Variants in TET3 observed in about 807,000 individuals in gnomAD.
TET3 encodes the protein tet methylcytosine dioxygenase 3.
A neutral mutation model predicts 141.4 loss-of-function variants in TET3; 19 were observed. That is an observed-to-expected ratio of 0.13 (90% CI 0.09 to 0.20). TET3 has a LOEUF of 0.20. Ranked by LOEUF, TET3 falls within the 10% of genes least tolerant of loss-of-function variation. TET3 has a pLI of 1.00. For synonymous variants in TET3, 1,043 were observed against 980.9 expected, an observed-to-expected ratio of 1.06 and a Z score of -1.18; for missense variants, 1,874 against 2,356.9, an observed-to-expected ratio of 0.80 and a Z score of 4.24.
chr2:74,094,581 C>T (rs1189235598), intron 10 of TET3, among the ~76,000 whole-genome samples: 1 of 151,670 alleles, frequency 6.6e-6, no homozygotes, highest in East Asian at 1.9e-4. Context: ...GTGAGGTGAA[C>T]GGGAGGGAAT....
Position 74,047,254 on chromosome 2 carries a change from C to A in TET3, c.1337C>A (p.Pro446His). 1 of 1,614,032 alleles carries A rather than the reference C, an allele frequency of 6.2e-7. No homozygotes were observed. The highest frequency in any genetic ancestry group is 8.5e-7 in the Non-Finnish European group (1 of 1,179,902). The part of the protein sequence containing the change: ...AWGTDTPPAT[P>H]RSSWPMPRPS... ...GGCACTGACACCCCTCCAGCAACGC[C>A]CCGGAGCTCCTGGCCCATGCCTCGC... The change falls in exon 4 of 12, where the codon CCC becomes CAC. Residue 446 changes from proline to histidine, a missense_variant. By Grantham distance (77) the Pro-to-His change is moderately conservative. Coordinates refer to ENST00000409262, the MANE Select transcript of TET3 (RefSeq NM_001287491.2).
At chr2:74,091,696 C>T (rs1012965391) in intron 8 of TET3, among the ~76,000 whole-genome samples, 1 of 152,264 alleles carries the variant, frequency 6.6e-6, no homozygotes, top group South Asian at 2.1e-4. Flanking sequence ...ATTTCTCATT[C>T]TGTGTGCTTG....
chr2:74,056,892 C>T (rs1367024836), intron 4 of TET3, among the ~76,000 whole-genome samples: 2 of 152,186 alleles, frequency 1.3e-5, no homozygotes, highest in African/African-American at 4.8e-5. Context: ...ACACAACTCC[C>T]AGTGTTGGGA....
At chr2:74,110,017 A>G (rs1030415036), downstream of TET3, among the ~76,000 whole-genome samples, 1 of 152,184 alleles carries the variant, frequency 6.6e-6, no homozygotes, top group Non-Finnish European at 1.5e-5. Flanking sequence ...CACATAAGAT[A>G]TAAGGATAAA....
intron 4 of TET3, among the ~76,000 whole-genome samples, chr2:74,065,993 G>C (rs992996424): frequency 1.3e-5 from 2 of 152,118 alleles, no homozygotes; most frequent in Non-Finnish European, 2.9e-5. Flanking sequence ...TCCTGACCTC[G>C]TGATCCGCCT....
chr2:74,087,905 G>A lies in TET3; in HGVS notation c.2755G>A (p.Ala919Thr), dbSNP rs1690251186. ...RHRAGHHCQN[A>T]VIVILILAWE... ...CCGGGCAGGCCACCACTGCCAGAAC[G>A]CTGTGATCGTCATCCTCATCCTGGC... The change falls in exon 7 of 12, where the codon GCT (alanine) becomes ACT (threonine). Residue 919 changes from alanine to threonine, a missense_variant. By Grantham distance (58) the Ala-to-Thr change is moderately conservative (BLOSUM62 0). This residue lies in a region of TET3 where 126 missense variants were observed against 327.4 expected (regional missense o/e 0.38). Transcript: ENST00000409262. The surrounding 1 kb of genome is among the most constrained non-coding windows in gnomAD (Gnocchi z 4.3). 3.2e-6 allele frequency: 5 copies of A among 1,551,998 alleles called. No individual in the cohort carries two copies. The highest frequency in any genetic ancestry group is 2.4e-5 in the East Asian group (1 of 40,922).
intron 3 of TET3, among the ~76,000 whole-genome samples, chr2:74,031,334 A>T (rs1686675655): frequency 6.6e-6 from 1 of 152,060 alleles, no homozygotes; most frequent in South Asian, 2.1e-4. Flanking sequence ...GGCCAGAGAG[A>T]CGAGGGACCC....
rs1490381360 is a variant in TET3 at position 74,107,968 on chromosome 2, C to T, written c.*5792C>T. ...TCCTTCCACTTTATTGGTTTGCCTC[C>T]TGAGCTACCCCTCCTTACCCTCCCT... On this transcript the variant is annotated 3_prime_UTR_variant, in exon 12 of 12. Transcript: ENST00000409262. 6.5e-6 allele frequency: 1 copy of T among 153,520 alleles called. No individual in the cohort carries two copies. The highest frequency in any genetic ancestry group is 1.5e-5 in the Non-Finnish European group (1 of 68,038). 9.5% of individuals were successfully genotyped at this position (153,520 alleles called of 1,614,324 possible). A position where few individuals can be genotyped will look rare whatever the true frequency, so the allele number is the denominator to read the frequency against.
At chr2:74,132,294 A>G in the TET3 span, among the ~76,000 whole-genome samples, 1 of 152,136 alleles carries the variant, frequency 6.6e-6, no homozygotes, top group African/African-American at 2.4e-5. Context: ...TGGGAACTCC[A>G]AAAGAAAGTT....
intron 6 of TET3, among the ~76,000 whole-genome samples, chr2:74,081,519 G>A (rs566448382): frequency 2.6e-5 from 4 of 152,234 alleles, no homozygotes; most frequent in Admixed American, 6.5e-5. Flanking sequence ...CGAGGTGAGC[G>A]TGCCAGGGGC....
At chr2:74,041,930 G>A (rs537413124) in intron 3 of TET3, among the ~76,000 whole-genome samples, 2 of 152,244 alleles carry the variant, frequency 1.3e-5, no homozygotes, top group South Asian at 4.1e-4. Flanking sequence ...TTTCTAGCCT[G>A]TTGACCTTTT....
the TET3 span, among the ~76,000 whole-genome samples, chr2:74,129,630 C>CA: frequency 0.14 from 20,395 of 144,944 alleles, 1,840 homozygotes; most frequent in Non-Finnish European, 0.21. Context: ...GACCCTGTCT[C>CA]AAAAAAAAAA....
intron 4 of TET3, among the ~76,000 whole-genome samples, chr2:74,066,296 AT>A (rs1688895284): frequency 6.6e-6 from 1 of 152,150 alleles, no homozygotes; most frequent in Non-Finnish European, 1.5e-5. Context: ...CTAGCTCAGG[AT>A]CCTTTAAGTA....
At chr2:74,064,123 A>C (rs996559652) in intron 4 of TET3, among the ~76,000 whole-genome samples, 1 of 152,320 alleles carries the variant, frequency 6.6e-6, no homozygotes, top group East Asian at 1.9e-4. Flanking sequence ...TATACTACTT[A>C]AAAAGCATCT....
chr2:74,092,537 C>T (rs1690559340), intron 8 of TET3, among the ~76,000 whole-genome samples: 1 of 152,150 alleles, frequency 6.6e-6, no homozygotes. Flanking sequence ...ACAGTTGTTG[C>T]TCTTGGCTTT....
intron 3 of TET3, among the ~76,000 whole-genome samples, chr2:74,030,505 A>G (rs991365632): frequency 3.9e-5 from 6 of 152,216 alleles, no homozygotes; most frequent in Admixed American, 3.3e-4. Flanking sequence ...GCAAACTTAT[A>G]AGCTCAAGTT....
chr2:74,108,904 TGA>T (rs1691638049), downstream of TET3, among the ~76,000 whole-genome samples: 1 of 152,226 alleles, frequency 6.6e-6, no homozygotes, highest in Admixed American at 6.5e-5. Flanking sequence ...TGAGGGCATC[TGA>T]GTGAAAATAC....
Position 74,047,796 on chromosome 2 carries a change from A to C in TET3, c.1879A>C (p.Ile627Leu). The change falls in exon 4 of 12, where the codon ATT becomes CTT. Residue 627 changes from isoleucine to leucine, a missense_variant. By Grantham distance (5) the Ile-to-Leu change is conservative. Around this residue, in one of 10 missense-constraint regions of TET3, gnomAD observed 484 missense variants for 462.2 expected, o/e 1.05. Coordinates refer to ENST00000409262, the MANE Select transcript of TET3 (RefSeq NM_001287491.2). ...GCCCCTCTTCCCACCTGTCCGACAGATTGTCCTGGAAGGGCTTAGGTCCCC... is the reference window on the plus strand; with the variant it reads ...GCCCCTCTTCCCACCTGTCCGACAGCTTGTCCTGGAAGGGCTTAGGTCCCC... ...AQPLFPPVRQ[I>L]VLEGLRSPAS... is the part of the protein sequence containing the mutation. The C allele has an allele frequency of 1.2e-6, 2 of 1,613,642 alleles. No homozygotes were observed. Among genetic ancestry groups the C allele is most frequent in the Non-Finnish European group, 1.7e-6 (2 of 1,179,772 alleles).
intron 3 of TET3, among the ~76,000 whole-genome samples, chr2:74,033,323 G>A (rs982495792): frequency 3.9e-5 from 6 of 152,224 alleles, no homozygotes; most frequent in African/African-American, 1.4e-4. Flanking sequence ...ACACAGGCAT[G>A]CGTTGTGATT....
Sources: allele counts gnomAD v4.1 joint callset (sites outside exome capture counted in the v4.1 genomes callset), GRCh38; gene constraint gnomAD v4.1.1; regional missense constraint gnomAD v4.1.1; non-coding constraint Gnocchi (gnomAD v3.1); transcripts MANE v1.5; gene names NCBI Gene and HGNC (gene_info 2026-07-23, HGNC 2026-07-21).